The following TAFA5 variants were observed in gnomAD, a reference collection of about 807,000 sequenced individuals.
TAFA5 encodes chemokine-like protein TAFA-5.
Under a neutral mutation model 15.3 loss-of-function variants are expected in TAFA5, and 6 were observed. The ratio of observed to expected loss-of-function variants is 0.39; its 90% CI spans 0.21 to 0.77. The LOEUF is 0.77. TAFA5 is among the 30% of genes least tolerant of loss of function. The pLI, the probability that TAFA5 is intolerant of heterozygous loss-of-function variation, is 0.41. For synonymous variants in TAFA5, 103 were observed against 80.7 expected, an observed-to-expected ratio of 1.28 and a Z score of -1.48; for missense variants, 161 against 193.1, an observed-to-expected ratio of 0.83 and a Z score of 0.98.
At chr22:48,722,216 T>C (rs1929588864) in intron 3 of TAFA5, among the ~76,000 whole-genome samples, 1 of 152,226 alleles carries the variant, frequency 6.6e-6, no homozygotes, top group Non-Finnish European at 1.5e-5. Flanking sequence ...TTCCTGACTT[T>C]TTAATGACCG....
At position 48,676,585 on chromosome 22, in the gene TAFA5, C is replaced by A. The variant is rs188835282; in HGVS notation, c.262+29839C>A. ...CCTGTGTGATGTCCAGTTCTTTTGTCCCAGCCATGCCTGCAAATGGCCCCC... is the reference window on the plus strand; with the variant it reads ...CCTGTGTGATGTCCAGTTCTTTTGTACCAGCCATGCCTGCAAATGGCCCCC... On this transcript the variant is annotated intron_variant, in intron 2 of 3. Transcript: ENST00000402357. 2.6e-5 allele frequency among the ~76,000 whole-genome samples: 4 copies of A among 152,330 alleles called. No individual in the cohort carries two copies. The East Asian group carries it at 7.7e-4, about 29-fold the overall frequency.
At chr22:48,739,606 G>A (rs529596614) in intron 3 of TAFA5, among the ~76,000 whole-genome samples, 35 of 152,182 alleles carry the variant, frequency 2.3e-4, no homozygotes, top group Non-Finnish European at 4.7e-4. Context: ...CTGACACAAG[G>A]TTAGACATCT....
intron 1 of TAFA5, among the ~76,000 whole-genome samples, chr22:48,644,363 C>G (rs1482668170): frequency 6.6e-6 from 1 of 152,220 alleles, no homozygotes; most frequent in Non-Finnish European, 1.5e-5. Flanking sequence ...CAGCCACGCA[C>G]CAGCCATGAC....
intron 3 of TAFA5, among the ~76,000 whole-genome samples, chr22:48,734,135 A>G (rs906929058): frequency 2.0e-5 from 3 of 152,244 alleles, no homozygotes; most frequent in African/African-American, 7.2e-5. Context: ...CATGAAATAA[A>G]TGAGAGGGGA....
rs1013517904 is a variant in TAFA5, at chr22:48,530,050, G to A, written c.112+40346G>A. Reference sequence around the variant, plus strand: ...GACTGAGCTTGTGGCTGCAGAGGCCGTGGGCCCTCTGCTTTGTGGGGCTGG... The same window carrying A: ...GACTGAGCTTGTGGCTGCAGAGGCCATGGGCCCTCTGCTTTGTGGGGCTGG... On this transcript the variant is annotated intron_variant, in intron 1 of 3. Coordinates refer to ENST00000402357, the MANE Select transcript of TAFA5 (RefSeq NM_001082967.3). The surrounding 1 kb of genome is among the most constrained non-coding windows in gnomAD (Gnocchi z 6.0). 3.3e-5 allele frequency among the ~76,000 whole-genome samples: 5 copies of A among 152,170 alleles called. No homozygotes were observed. The highest frequency in any genetic ancestry group is 1.9e-4 in the East Asian group (1 of 5,174).
intron 2 of TAFA5, among the ~76,000 whole-genome samples, chr22:48,700,675 G>T (rs919069784): frequency 3.3e-5 from 5 of 152,148 alleles, no homozygotes; most frequent in Non-Finnish European, 7.3e-5. Context: ...CTGTGTGCAC[G>T]CACTCCAGGG....
chr22:48,525,824 G>A (rs1921763217), intron 1 of TAFA5, among the ~76,000 whole-genome samples: 1 of 152,160 alleles, frequency 6.6e-6, no homozygotes, highest in Non-Finnish European at 1.5e-5. Context: ...CTCCCCATCT[G>A]TGGACGAGGC....
At chr22:48,507,259 TGGA>T (rs1206976938) in intron 1 of TAFA5, among the ~76,000 whole-genome samples, 2 of 149,094 alleles carry the variant, frequency 1.3e-5, no homozygotes, top group Non-Finnish European at 1.5e-5. Flanking sequence ...GGTGTGCAGT[TGGA>T]GGAGAAGGAG....
At chr22:48,523,880 C>T (rs974533142) in intron 1 of TAFA5, among the ~76,000 whole-genome samples, 8 of 152,304 alleles carry the variant, frequency 5.3e-5, no homozygotes, top group Middle Eastern at 3.4e-3. Flanking sequence ...AGGGCTCAGG[C>T]GGCTGGCGCT....
In TAFA5 at chr22:48,705,428, C is replaced by T. The variant is rs142486375; in HGVS notation, c.263-2289C>T. On this transcript the variant is annotated intron_variant, in intron 2 of 3. Transcript: ENST00000402357. Reference sequence around the variant, plus strand: ...CCATTCATTCTGCCTGGGATGCTGTCCCTTTGTCTGTCTTCCAGAGGGCCC... The same window carrying T: ...CCATTCATTCTGCCTGGGATGCTGTTCCTTTGTCTGTCTTCCAGAGGGCCC... Among the ~76,000 whole-genome samples, 280 of 152,318 alleles carry T rather than the reference C, an allele frequency of 1.8e-3. 1 individual carries two copies. The highest frequency in any genetic ancestry group is 3.3e-3 in the Non-Finnish European group (225 of 68,016).
At chr22:48,534,798 C>T (rs1325604061) in intron 1 of TAFA5, among the ~76,000 whole-genome samples, 2 of 152,156 alleles carry the variant, frequency 1.3e-5, no homozygotes, top group Non-Finnish European at 2.9e-5. Flanking sequence ...GGCTCTGCTG[C>T]AGGTCAGGGA....
At chr22:48,652,044 T>C (rs1368409678) in intron 2 of TAFA5, among the ~76,000 whole-genome samples, 1 of 152,154 alleles carries the variant, frequency 6.6e-6, no homozygotes, top group Non-Finnish European at 1.5e-5. Flanking sequence ...CCTAGCAATG[T>C]GGGGTTTAAT....
chr22:48,745,304 C>T (rs1294486217), intron 3 of TAFA5, among the ~76,000 whole-genome samples: 16 of 142,790 alleles, frequency 1.1e-4, no homozygotes, highest in African/African-American at 3.7e-4. Context: ...ACAGCTTTGT[C>T]GTCGGCGGCT....
At chr22:48,509,040 C>G (rs1037359683) in intron 1 of TAFA5, among the ~76,000 whole-genome samples, 1 of 152,176 alleles carries the variant, frequency 6.6e-6, no homozygotes, top group African/African-American at 2.4e-5. Context: ...TTAGCTCTTA[C>G]GTATGAATGA....
chr22:48,511,317 T>G (rs1431537779), intron 1 of TAFA5, among the ~76,000 whole-genome samples: 1 of 152,188 alleles, frequency 6.6e-6, no homozygotes, highest in Non-Finnish European at 1.5e-5. Flanking sequence ...TTTTGTCTCC[T>G]GCTCCTTGGC....
chr22:48,511,429 G>A (rs1446123497), intron 1 of TAFA5, among the ~76,000 whole-genome samples: 1 of 152,200 alleles, frequency 6.6e-6, no homozygotes, highest in Non-Finnish European at 1.5e-5. Flanking sequence ...GCGTGATGTG[G>A]CTCCCAGGGG....
At position 48,632,292 on chromosome 22, in the gene TAFA5, G is replaced by A. The variant is rs145855581; in HGVS notation, c.113-14305G>A. Among the ~76,000 whole-genome samples the A allele has an allele frequency of 8.1e-4, 123 of 152,282 alleles. 2 individuals are homozygous for A. The highest frequency in any genetic ancestry group is 5.7e-4 in the Non-Finnish European group (39 of 68,030). On this transcript the variant is annotated intron_variant, in intron 1 of 3. Transcript: ENST00000402357. The stretch of plus-strand genomic sequence containing the variant: ...TTTCTGATCCAGTCCAGAGATGGAC[G>A]GGTGTTAATCCCGCGGGGTGATTTT...
At chr22:48,611,806 G>A (rs969464542) in intron 1 of TAFA5, among the ~76,000 whole-genome samples, 11 of 152,148 alleles carry the variant, frequency 7.2e-5, no homozygotes, top group Admixed American at 5.2e-4. Flanking sequence ...GGCAGAAGCT[G>A]TTCCAGGCCT....
chr22:48,738,532 C>G (rs1331759757), intron 3 of TAFA5, among the ~76,000 whole-genome samples: 1 of 152,154 alleles, frequency 6.6e-6, no homozygotes, highest in Non-Finnish European at 1.5e-5. Context: ...ACAGAGCCCC[C>G]CAGCTCAGTC....
Sources: allele counts gnomAD v4.1 joint callset (sites outside exome capture counted in the v4.1 genomes callset), GRCh38; gene constraint gnomAD v4.1.1; non-coding constraint Gnocchi (gnomAD v3.1); transcripts MANE v1.5; gene names NCBI Gene and HGNC (gene_info 2026-07-23, HGNC 2026-07-21).